TRPM3: variants seen among roughly 807,000 people sequenced by gnomAD.
The protein encoded by TRPM3 is long transient receptor potential channel 3.
A neutral mutation model predicts 181.2 loss-of-function variants in TRPM3; 77 were observed. The ratio of observed to expected loss-of-function variants is 0.42; its 90% CI spans 0.35 to 0.51. The LOEUF (loss-of-function observed/expected upper bound fraction) is 0.51. Among genes scored for constraint, TRPM3 ranks in the 20% least tolerant of loss-of-function variants. The pLI, the probability that TRPM3 is intolerant of heterozygous loss-of-function variation, is 0.01. For synonymous variants in TRPM3, 745 were observed against 796.4 expected (o/e 0.94, Z 1.09); for missense variants, 1,759 against 2,196.7 (o/e 0.80, Z 3.98).
chr9:70,967,299 G>A (rs771120793), intron 1 of TRPM3, among the ~76,000 whole-genome samples: 15 of 152,086 alleles, frequency 9.9e-5, no homozygotes, highest in Non-Finnish European at 2.1e-4. Context: ...GGCAGGAGGG[G>A]AGGGAAGGTT....
chr9:70,840,640 A>C (rs1187168150), intron 5 of TRPM3, among the ~76,000 whole-genome samples: 1 of 152,140 alleles, frequency 6.6e-6, no homozygotes, highest in African/African-American at 2.4e-5. Context: ...ATGAGGAGTG[A>C]AGGGAGAAGT....
chr9:70,811,222 A>G (rs377106052), intron 6 of TRPM3: 22 of 1,611,932 alleles, frequency 1.4e-5, no homozygotes. Flanking sequence ...AGCGGGAGTC[A>G]AGAGAGAAAA....
chr9:71,240,634 T>C (rs2131962995), intron 1 of TRPM3, among the ~76,000 whole-genome samples: 1 of 152,256 alleles, frequency 6.6e-6, no homozygotes, highest in African/African-American at 2.4e-5. Context: ...TAGCAACAAA[T>C]ATATCTTCTC....
At chr9:70,653,253 A>C (rs551438355) in intron 9 of TRPM3, among the ~76,000 whole-genome samples, 3 of 152,252 alleles carry the variant, frequency 2.0e-5, no homozygotes, top group Admixed American at 6.5e-5. Flanking sequence ...GCTGAGGCTG[A>C]ATGTTATAAG....
At chr9:71,444,249 G>A (rs910154235) in intron 1 of TRPM3, among the ~76,000 whole-genome samples, 9 of 150,192 alleles carry the variant, frequency 6.0e-5, no homozygotes, top group South Asian at 2.1e-4. Flanking sequence ...TCATTCCCTC[G>A]GAATAACTTT....
chr9:71,389,993 A>G (rs1289090211), intron 1 of TRPM3, among the ~76,000 whole-genome samples: 1 of 152,146 alleles, frequency 6.6e-6, no homozygotes, highest in African/African-American at 2.4e-5. Flanking sequence ...TTATTTGGAA[A>G]ATATTTCAGA....
chr9:70,877,939 A>G (rs2132651711), intron 1 of TRPM3, among the ~76,000 whole-genome samples: 1 of 152,058 alleles, frequency 6.6e-6, no homozygotes, highest in South Asian at 2.1e-4. Context: ...TACTAGTTGG[A>G]TCCCCAAATA....
chr9:70,541,592 A>G (rs928284711), intron 25 of TRPM3, among the ~76,000 whole-genome samples: 1 of 149,924 alleles, frequency 6.7e-6, no homozygotes, highest in Non-Finnish European at 1.5e-5. Flanking sequence ...GTTCACCCCA[A>G]CCTCTGCCTC....
rs565511422 is a variant in TRPM3, at chr9:70,625,874, T to A, written c.1633-357A>T. Among the ~76,000 whole-genome samples, 47 of 152,228 alleles carry A rather than the reference T, an allele frequency of 3.1e-4. 1 individual carries two copies. Among genetic ancestry groups the A allele is most frequent in the African/African-American group, 1.0e-3 (42 of 41,550 alleles). On this transcript the variant is annotated intron_variant, in intron 12 of 25. Coordinates refer to ENST00000677713, the MANE Select transcript of TRPM3 (RefSeq NM_001366145.2). The surrounding 1 kb of genome is among the most constrained non-coding windows in gnomAD (Gnocchi z 4.8). ...GGTCTCCTTTAATACAAAACCTCTA[T>A]CCATAATTTTAAAAAATTGACACTT...
intron 1 of TRPM3, among the ~76,000 whole-genome samples, chr9:71,421,335 C>A (rs540470372): frequency 6.6e-6 from 1 of 151,768 alleles, no homozygotes; most frequent in South Asian, 2.1e-4. Context: ...TAACAAACCA[C>A]CAATCTACTC....
intron 25 of TRPM3, among the ~76,000 whole-genome samples, chr9:70,538,077 C>T (rs924990939): frequency 2.6e-5 from 4 of 152,178 alleles, no homozygotes; most frequent in Admixed American, 2.6e-4. Flanking sequence ...CTAATCCAAT[C>T]CCTTCATTCA....
At chr9:70,565,347 G>A (rs1250671689) in intron 22 of TRPM3, among the ~76,000 whole-genome samples, 1 of 151,972 alleles carries the variant, frequency 6.6e-6, no homozygotes, top group African/African-American at 2.4e-5. Flanking sequence ...AGGCTGGAGT[G>A]CAATGGTGTG....
intron 1 of TRPM3, among the ~76,000 whole-genome samples, chr9:71,197,174 T>C (rs1478847943): frequency 6.6e-6 from 1 of 152,174 alleles, no homozygotes; most frequent in Non-Finnish European, 1.5e-5. Context: ...CCCAATTTCA[T>C]CCATGTCCCT....
intron 1 of TRPM3, among the ~76,000 whole-genome samples, chr9:71,182,992 T>C (rs1403145473): frequency 2.0e-5 from 3 of 152,032 alleles, no homozygotes; most frequent in Admixed American, 6.6e-5. Context: ...CATCAGGGAA[T>C]AAAATTATTT....
chr9:70,560,081 TGGCAATCTCCATGCTG>T (rs1171018647), intron 22 of TRPM3, among the ~76,000 whole-genome samples: 4 of 152,242 alleles, frequency 2.6e-5, no homozygotes, highest in African/African-American at 9.6e-5. Flanking sequence ...GCATATTATG[TGGCAATCTCCATGCTG>T]GGCACATTAC....
chr9:70,556,479 T>C (rs1364315482), intron 22 of TRPM3, among the ~76,000 whole-genome samples: 1 of 152,082 alleles, frequency 6.6e-6, no homozygotes, highest in African/African-American at 2.4e-5. Context: ...CCCAGCATTT[T>C]GAGAGGCCGA....
chr9:71,026,190 G>T (rs2097895384), intron 1 of TRPM3, among the ~76,000 whole-genome samples: 1 of 152,154 alleles, frequency 6.6e-6, no homozygotes, highest in African/African-American at 2.4e-5. Flanking sequence ...TGCTCCCACA[G>T]AAGACTTTAG....
chr9:71,265,193 T>G (rs531230042), intron 1 of TRPM3, among the ~76,000 whole-genome samples: 1 of 152,198 alleles, frequency 6.6e-6, no homozygotes, highest in Admixed American at 6.5e-5. Context: ...TTACAAAATA[T>G]GTTATACATT....
chr9:70,593,025 C>T (rs1283702132), intron 21 of TRPM3, among the ~76,000 whole-genome samples: 3 of 152,108 alleles, frequency 2.0e-5, no homozygotes, highest in African/African-American at 7.2e-5. Context: ...CCACTGTGCC[C>T]GGCCACGATT....
Sources: allele counts gnomAD v4.1 joint callset (sites outside exome capture counted in the v4.1 genomes callset), GRCh38; gene constraint gnomAD v4.1.1; non-coding constraint Gnocchi (gnomAD v3.1); transcripts MANE v1.5; gene names NCBI Gene and HGNC (gene_info 2026-07-23, HGNC 2026-07-21).